MYH9: variants seen among roughly 807,000 people sequenced by gnomAD.
MYH9 encodes myosin heavy chain 9.
A neutral mutation model predicts 241.9 loss-of-function variants in MYH9; 29 were observed. The ratio of observed to expected loss-of-function variants is 0.12; its 90% CI spans 0.09 to 0.16. The LOEUF is 0.16. Among genes scored for constraint, MYH9 ranks in the 10% least tolerant of loss-of-function variants. The pLI is 1.00. For synonymous variants in MYH9, 1,047 were observed against 1,062.6 expected, an observed-to-expected ratio of 0.99 and a Z score of 0.29; for missense variants, 1,803 against 2,595.5, an observed-to-expected ratio of 0.69 and a Z score of 6.63.
At chr22:36,309,063 G>A (rs1043689225) in intron 15 of MYH9, among the ~76,000 whole-genome samples, 6 of 152,180 alleles carry the variant, frequency 3.9e-5, no homozygotes, top group South Asian at 2.1e-4. Flanking sequence ...AAAGCGCTCC[G>A]CCCAGGAGGA....
intron 38 of MYH9, 133 bp downstream of exon 38, chr22:36,284,988 C>A: frequency 1.2e-6 from 1 of 821,354 alleles, no homozygotes; most frequent in Non-Finnish European, 2.0e-6. Context: ...ATGAGGGCCC[C>A]ATCAGGAGGG....
At chr22:36,387,295 C>T (rs1177059158) in intron 1 of MYH9, among the ~76,000 whole-genome samples, 2 of 152,244 alleles carry the variant, frequency 1.3e-5, no homozygotes, top group Non-Finnish European at 2.9e-5. Context: ...GACGCCCTGA[C>T]AGCTGCCAAA....
intron 1 of MYH9, 74 bp from the exon 2 acceptor site, chr22:36,349,329 T>A: frequency 8.8e-7 from 1 of 1,132,274 alleles, no homozygotes; most frequent in Non-Finnish European, 1.3e-6. Context: ...TGCTCACACC[T>A]CTTCTCTTTG....
chr22:36,294,268 T>C lies in MYH9; in HGVS notation c.3661A>G (p.Thr1221Ala), dbSNP rs2016754898. Residue 1221 changes from threonine (T) to alanine (A), a missense_variant, in exon 28 of 41, where the codon ACT becomes GCT. Transcript: ENST00000216181. Reference sequence around the variant, plus strand: ...AGCTCCCCCCGCTCGTTCTCCAGAGTCTGCTTTGCCTTCTCGAGGTTTGCT... The same window carrying C: ...AGCTCCCCCCGCTCGTTCTCCAGAGCCTGCTTTGCCTTCTCGAGGTTTGCT... ...VKANLEKAKQTLENERGELAN... is the reference protein window; with the variant it reads ...VKANLEKAKQALENERGELAN... 1 of 1,613,934 alleles carries C rather than the reference T, an allele frequency of 6.2e-7. No individual in the cohort carries two copies. Among genetic ancestry groups the C allele is most frequent in the Admixed American group, 1.7e-5 (1 of 60,012 alleles).
intron 2 of MYH9, among the ~76,000 whole-genome samples, chr22:36,342,774 G>T (rs2017610411): frequency 6.6e-6 from 1 of 152,180 alleles, no homozygotes; most frequent in South Asian, 2.1e-4. Flanking sequence ...GGCCTGAGGG[G>T]CCTGGCGAAG....
chr22:36,295,456 C>A lies in MYH9; in HGVS notation c.3485+49G>T, dbSNP rs201697365. On this transcript the variant is annotated intron_variant, in intron 26 of 40. Coordinates refer to ENST00000216181, the MANE Select transcript of MYH9 (RefSeq NM_002473.6). The surrounding 1 kb of genome is among the most constrained non-coding windows in gnomAD (Gnocchi z 4.1). ...CGGGGTCCATGTCTCCAAGCCAAGGCCCCCCTGGCTGCCCTCCCCATCCCG... is the reference window on the plus strand; with the variant it reads ...CGGGGTCCATGTCTCCAAGCCAAGGACCCCCTGGCTGCCCTCCCCATCCCG... 1,461 of 1,509,218 alleles carry A rather than the reference C, an allele frequency of 9.7e-4. 3 individuals are homozygous for A. Among genetic ancestry groups the A allele is most frequent in the Middle Eastern group, 1.4e-3 (6 of 4,292 alleles). 93.5% of individuals were successfully genotyped at this position (1,509,218 alleles called of 1,614,324 possible).
intron 5 of MYH9, 88 bp downstream of exon 5, chr22:36,326,480 G>C (rs749349830): frequency 9.9e-5 from 120 of 1,206,044 alleles, no homozygotes; most frequent in Non-Finnish European, 1.4e-4. Context: ...CTCTTGTAAA[G>C]CTGAAGCCGG....
At chr22:36,312,425 C>T (rs749470994) in intron 13 of MYH9, among the ~76,000 whole-genome samples, 4 of 152,190 alleles carry the variant, frequency 2.6e-5, no homozygotes, top group African/African-American at 7.2e-5. Context: ...ACACCTTTAC[C>T]CAAGGATCCA....
Position 36,288,494 on chromosome 22 carries a change from G to C in MYH9, c.4771-81C>G. On this transcript the variant is annotated intron_variant, in intron 33 of 40. Coordinates refer to ENST00000216181, the MANE Select transcript of MYH9 (RefSeq NM_002473.6). This position sits in a 1 kb window ranked among gnomAD's most constrained non-coding sequence, Gnocchi z 4.8. Reference sequence around the variant, plus strand: ...CTAGCTCTGAACTCAGGAGCCTCAGGCCAGTTCTGCAGGATCCATGGGGCC... The same window carrying C: ...CTAGCTCTGAACTCAGGAGCCTCAGCCCAGTTCTGCAGGATCCATGGGGCC... The C allele has an allele frequency of 6.4e-7, 1 of 1,571,318 alleles. No individual in the cohort carries two copies. Among genetic ancestry groups the C allele is most frequent in the Non-Finnish European group, 8.7e-7 (1 of 1,154,702 alleles).
chr22:36,335,028 C>A (rs1366845985), intron 3 of MYH9, among the ~76,000 whole-genome samples: 1 of 152,164 alleles, frequency 6.6e-6, no homozygotes, highest in African/African-American at 2.4e-5. Flanking sequence ...GGCCCAGCAG[C>A]CCCTTTTTGG....
chr22:36,314,304 C>T lies in MYH9; in HGVS notation c.1395G>A (p.Glu465=). Residue 465 remains glutamate, a synonymous_variant, in exon 13 of 41, where the codon GAG becomes GAA. Transcript: ENST00000216181. The part of the protein sequence containing the change: ...GFEIFDLNSF[E]QLCINYTNEK... ...CATTGGTGTAATTGATGCACAGCTG[C>T]TCAAACGAGTTCAGCTGCAAGGAGA... is the stretch of plus-strand genomic sequence containing the variant. The T allele has an allele frequency of 5.6e-6, 9 of 1,614,214 alleles. No individual in the cohort carries two copies. The highest frequency in any genetic ancestry group is 7.6e-6 in the Non-Finnish European group (9 of 1,180,042).
rs904892664 is a variant in MYH9, at chr22:36,293,117, T to G, written c.4095+212A>C. Among the ~76,000 whole-genome samples, 1 of 152,190 alleles carries G rather than the reference T, an allele frequency of 6.6e-6. No homozygotes were observed. Among genetic ancestry groups the G allele is most frequent in the Non-Finnish European group, 1.5e-5 (1 of 68,028 alleles). ...GACTGGTGAAAATAAAGGTGTAAAA[T>G]AGTGAAAATAGTGGTGTCCCCCATC... On this transcript the variant is annotated intron_variant, in intron 30 of 40. Transcript: ENST00000216181. This position sits in a 1 kb window ranked among gnomAD's most constrained non-coding sequence, Gnocchi z 5.1.
chr22:36,359,313 A>C (rs899078528), intron 1 of MYH9, among the ~76,000 whole-genome samples: 1 of 152,232 alleles, frequency 6.6e-6, no homozygotes, highest in African/African-American at 2.4e-5. Flanking sequence ...AATGAGAAAC[A>C]AGGCCAAAAT....
chr22:36,384,637 T>A (rs1247219406), intron 1 of MYH9, among the ~76,000 whole-genome samples: 5 of 97,392 alleles, frequency 5.1e-5, no homozygotes, highest in South Asian at 3.9e-4. Context: ...TATATATATA[T>A]ATATATATAT....
chr22:36,384,370 G>A (rs1233843940), intron 1 of MYH9, among the ~76,000 whole-genome samples: 1 of 149,342 alleles, frequency 6.7e-6, no homozygotes, highest in Non-Finnish European at 1.5e-5. Flanking sequence ...ATCACCTGAG[G>A]TCAGGAGTTC....
intron 1 of MYH9, among the ~76,000 whole-genome samples, chr22:36,364,050 G>A (rs1036225016): frequency 2.0e-5 from 3 of 152,296 alleles, no homozygotes; most frequent in South Asian, 2.1e-4. Flanking sequence ...TACGGCCACC[G>A]TCTCAGTGGG....
At chr22:36,383,681 G>C (rs1178164716) in intron 1 of MYH9, among the ~76,000 whole-genome samples, 1 of 150,990 alleles carries the variant, frequency 6.6e-6, no homozygotes, top group Non-Finnish European at 1.5e-5. Flanking sequence ...GGGGGTGCCA[G>C]GTGCGGTGGC....
chr22:36,335,837 G>A (rs1184889282), intron 3 of MYH9, among the ~76,000 whole-genome samples: 1 of 152,204 alleles, frequency 6.6e-6, no homozygotes, highest in East Asian at 1.9e-4. Context: ...CGGGCTTTTC[G>A]ACAAGCCAGT....
At chr22:36,367,806 C>G (rs62228865) in intron 1 of MYH9, among the ~76,000 whole-genome samples, 42 of 152,242 alleles carry the variant, frequency 2.8e-4, no homozygotes, top group Admixed American at 6.5e-4. Context: ...CTCTAGAGAG[C>G]TGCCAGATTT....
Sources: gnomAD v4.1 joint callset for allele counts (sites outside exome capture counted in the v4.1 genomes callset) on GRCh38, gnomAD v4.1.1 for gene constraint, Gnocchi (gnomAD v3.1) non-coding constraint, MANE v1.5 for transcripts, NCBI Gene and HGNC (gene_info 2026-07-23, HGNC 2026-07-21) for gene names.